COPA: variants seen among roughly 807,000 people sequenced by gnomAD.
The protein encoded by COPA is coat protein complex I subunit alpha.
Under a neutral mutation model 158.7 loss-of-function variants are expected in COPA, and 10 were observed. The observed-to-expected ratio is 0.06, with a 90% confidence interval of 0.04 to 0.11. The LOEUF is 0.11. COPA is among the 10% of genes least tolerant of loss of function. The pLI, the probability that COPA is intolerant of heterozygous loss-of-function variation, is 1.00. For missense variants in COPA, 1,065 were observed against 1,536.7 expected, an observed-to-expected ratio of 0.69 and a Z score of 5.13; for synonymous variants, 462 against 542.8, an observed-to-expected ratio of 0.85 and a Z score of 2.07.
At chr1:160,306,659 C>T (rs1194796806) in intron 14 of COPA, among the ~76,000 whole-genome samples, 166 bp from the exon 15 acceptor site, 1 of 152,178 alleles carries the variant, frequency 6.6e-6, no homozygotes, top group Non-Finnish European at 1.5e-5. Context: ...CCAAGATCTT[C>T]TCTAAGGGCC....
At position 160,309,035 on chromosome 1, in the gene COPA, A is replaced by G. The variant is rs988248981; in HGVS notation, c.1219+66T>C. 14 of 1,293,990 alleles carry G rather than the reference A, an allele frequency of 1.1e-5. No individual in the cohort carries two copies. The Admixed American group carries it at 2.4e-4, about 22-fold the overall frequency. 80.2% of individuals were successfully genotyped at this position (1,293,990 alleles called of 1,614,324 possible). On this transcript the variant is annotated intron_variant, in intron 13 of 32. Transcript: ENST00000241704. The stretch of plus-strand genomic sequence containing the variant: ...TTGGGGATGGAATGTGAAAAACTTG[A>G]AGAGGAGTTATGATGCGGGTGAGGA...
Position 160,307,302 on chromosome 1 carries a change from T to C in COPA, c.1220-57A>G, listed in dbSNP as rs370214840. Reference sequence around the variant, plus strand: ...TGTGGTGAGTCACTGGCAGGTGACATAGTCGGGTGCCATGGAGCTGCCAGT... The same window carrying C: ...TGTGGTGAGTCACTGGCAGGTGACACAGTCGGGTGCCATGGAGCTGCCAGT... On this transcript the variant is annotated intron_variant, in intron 13 of 32. Transcript: ENST00000241704. 1,713 of 1,523,298 alleles carry C rather than the reference T, an allele frequency of 1.1e-3. 2 individuals carry two copies. The highest frequency in any genetic ancestry group is 1.3e-3 in the Non-Finnish European group (1,404 of 1,097,882). The allele number at this position is 1,523,298 out of a possible 1,614,324, so 94.4% of individuals were successfully genotyped here.
chr1:160,331,913 G>T (rs532521720), intron 6 of COPA, among the ~76,000 whole-genome samples: 2 of 150,820 alleles, frequency 1.3e-5, no homozygotes, highest in Non-Finnish European at 2.9e-5. Context: ...ACACCACTGC[G>T]CTCCAGCCTG....
chr1:160,295,177 C>T lies in COPA; in HGVS notation c.2477-320G>A, dbSNP rs74433465. On this transcript the variant is annotated intron_variant, in intron 23 of 32. Coordinates refer to ENST00000241704, the MANE Select transcript of COPA (RefSeq NM_004371.4). ...CCTGAGCGCTTTGCTAAGCTACCACCACTACAATGTGTACAGGGCATCAGG... is the reference window on the plus strand; with the variant it reads ...CCTGAGCGCTTTGCTAAGCTACCACTACTACAATGTGTACAGGGCATCAGG... Among the ~76,000 whole-genome samples the T allele has an allele frequency of 1.8e-3, 279 of 152,234 alleles. 4 individuals carry two copies. In the East Asian group the frequency reaches 0.028, roughly 15 times the overall value.
intron 15 of COPA, 59 bp downstream of exon 15, chr1:160,306,295 A>G: frequency 1.3e-6 from 2 of 1,517,212 alleles, no homozygotes; most frequent in Non-Finnish European, 1.8e-6. Context: ...GGTTCCCACT[A>G]AAGATGTCCA....
chr1:160,293,291 C>T lies in COPA; in HGVS notation c.2755-57G>A, dbSNP rs191039447. ...GAAACTTTGTCCCTTCTCTATTCTCCTCTGTAACTATAGTAGAAAAGTAGC... is the reference window on the plus strand; with the variant it reads ...GAAACTTTGTCCCTTCTCTATTCTCTTCTGTAACTATAGTAGAAAAGTAGC... On this transcript the variant is annotated intron_variant, in intron 26 of 32. Transcript: ENST00000241704. 4 of 1,611,982 alleles carry T rather than the reference C, an allele frequency of 2.5e-6. No individual in the cohort carries two copies. The East Asian group carries it at 6.7e-5, about 27-fold the overall frequency.
chr1:160,316,659 A>T (rs1253801256), intron 8 of COPA, among the ~76,000 whole-genome samples: 1 of 151,684 alleles, frequency 6.6e-6, no homozygotes, highest in Non-Finnish European at 1.5e-5. Flanking sequence ...CTGAGGGAGG[A>T]GAATCACTTG....
chr1:160,313,572 G>T (rs370689123), intron 9 of COPA, among the ~76,000 whole-genome samples: 1 of 152,080 alleles, frequency 6.6e-6, no homozygotes, highest in African/African-American at 2.4e-5. Flanking sequence ...CCGCCACCAC[G>T]CCCGGCTAAT....
intron 6 of COPA, among the ~76,000 whole-genome samples, chr1:160,330,811 T>C (rs947627301): frequency 6.6e-6 from 1 of 152,154 alleles, no homozygotes; most frequent in African/African-American, 2.4e-5. Flanking sequence ...GAATGAAACA[T>C]GTTTTGTAGT....
intron 6 of COPA, among the ~76,000 whole-genome samples, chr1:160,329,476 G>A (rs1230599104): frequency 6.6e-6 from 1 of 151,954 alleles, no homozygotes; most frequent in African/African-American, 2.4e-5. Flanking sequence ...GTCTGCAAAA[G>A]GTAAAGAAAA....
chr1:160,327,903 C>A (rs948617079), intron 6 of COPA, among the ~76,000 whole-genome samples: 2 of 152,144 alleles, frequency 1.3e-5, no homozygotes, highest in African/African-American at 4.8e-5. Context: ...TAAACTTTGC[C>A]ATCTGTAGGA....
At chr1:160,325,713 G>C (rs374797603) in intron 6 of COPA, 61 bp from the exon 7 acceptor site, 2 of 1,181,704 alleles carry the variant, frequency 1.7e-6, no homozygotes, top group Non-Finnish European at 2.5e-6. Context: ...AAACAGCACA[G>C]TATCAGAAAC....
intron 1 of COPA, among the ~76,000 whole-genome samples, chr1:160,342,298 C>T (rs1228480356): frequency 1.3e-5 from 2 of 152,166 alleles, no homozygotes; most frequent in Admixed American, 6.5e-5. Flanking sequence ...TGTTACGCTG[C>T]ATCTCACTAA....
chr1:160,335,744 G>A (rs979133974), intron 3 of COPA, among the ~76,000 whole-genome samples: 3 of 151,764 alleles, frequency 2.0e-5, no homozygotes, highest in African/African-American at 7.3e-5. Flanking sequence ...TTAGCCAGGC[G>A]TGGTGGCATG....
At chr1:160,293,854 C>A (rs1052997249) in intron 25 of COPA, among the ~76,000 whole-genome samples, 1 of 152,068 alleles carries the variant, frequency 6.6e-6, no homozygotes, top group Non-Finnish European at 1.5e-5. Context: ...TAGAACACAA[C>A]CATTTACATT....
At chr1:160,334,130 A>C (rs556310951) in intron 4 of COPA, among the ~76,000 whole-genome samples, 1 of 152,376 alleles carries the variant, frequency 6.6e-6, no homozygotes, top group Non-Finnish European at 1.5e-5. Flanking sequence ...CAAAGCAGAA[A>C]GTAACATGTA....
intron 8 of COPA, among the ~76,000 whole-genome samples, chr1:160,318,480 A>AC (rs1557870010): frequency 1.8e-4 from 12 of 65,478 alleles, no homozygotes; most frequent in Middle Eastern, 0.011. Context: ...AAAAAAAAAA[A>AC]AAAAAAAAAA....
intron 6 of COPA, among the ~76,000 whole-genome samples, chr1:160,331,465 T>C (rs56241763): frequency 0.048 from 7,096 of 149,380 alleles, 521 homozygotes; most frequent in African/African-American, 0.16. Flanking sequence ...CCAGCCTGGC[T>C]AACATGGTGA....
At chr1:160,304,999 G>A (rs1658736618) in intron 17 of COPA, among the ~76,000 whole-genome samples, 1 of 152,038 alleles carries the variant, frequency 6.6e-6, no homozygotes, top group Non-Finnish European at 1.5e-5. Flanking sequence ...TTATATGAAG[G>A]CAAAACCAGG....
Sources: allele counts gnomAD v4.1 joint callset (sites outside exome capture counted in the v4.1 genomes callset), GRCh38; gene constraint gnomAD v4.1.1; transcripts MANE v1.5; gene names NCBI Gene and HGNC (gene_info 2026-07-23, HGNC 2026-07-21).